XPO4: variants seen among roughly 807,000 people sequenced by gnomAD.
XPO4 encodes exportin-4.
XPO4 carries 39 observed loss-of-function variants against 143.0 expected under a neutral mutation model. That is an observed-to-expected ratio of 0.27 (90% CI 0.21 to 0.36). The LOEUF (loss-of-function observed/expected upper bound fraction) is 0.36. Ranked by LOEUF, XPO4 falls within the 10% of genes least tolerant of loss-of-function variation. XPO4 has a pLI of 1.00. For synonymous variants in XPO4, 439 were observed against 474.0 expected (o/e 0.93, Z 0.96); for missense variants, 907 against 1,348.0 (o/e 0.67, Z 5.12).
chr13:20,857,752 G>T lies in XPO4; in HGVS notation c.318-1987C>A, dbSNP rs371471384. 8 of 819,594 alleles carry T rather than the reference G, an allele frequency of 9.8e-6. No individual in the cohort carries two copies. In the African/African-American group the frequency reaches 1.1e-4, roughly 11 times the overall value. The allele number at this position is 819,594 out of a possible 1,614,324, so 50.8% of individuals were successfully genotyped here. ...AAAAACAAACAAAAAAATCAAATCA[G>T]AAAATTAATGCACAAAGAAGTAATC... On this transcript the variant is annotated intron_variant, in intron 3 of 22. Transcript: ENST00000255305.
At chr13:20,807,196 T>C (rs1407855011) in intron 13 of XPO4, among the ~76,000 whole-genome samples, 1 of 152,186 alleles carries the variant, frequency 6.6e-6, no homozygotes, top group African/African-American at 2.4e-5. Context: ...TCAATGTCCC[T>C]TCCAAGTCTC....
intron 6 of XPO4, among the ~76,000 whole-genome samples, chr13:20,838,471 G>A (rs947203703): frequency 1.1e-4 from 16 of 151,878 alleles, no homozygotes; most frequent in South Asian, 2.1e-4. Flanking sequence ...TTAGCCAGGC[G>A]TGGTGGCGGG....
chr13:20,878,842 T>G (rs781180040), intron 1 of XPO4, among the ~76,000 whole-genome samples: 1 of 152,214 alleles, frequency 6.6e-6, no homozygotes, highest in Non-Finnish European at 1.5e-5. Flanking sequence ...GGTAGGCATA[T>G]GAATGTAATT....
chr13:20,787,114 C>G, intron 21 of XPO4, 57 bp from the exon 22 acceptor site: 1 of 1,369,344 alleles, frequency 7.3e-7, no homozygotes, highest in Admixed American at 2.3e-5. Context: ...ATCCTCCAGT[C>G]CCTCCCCAGT....
intron 1 of XPO4, among the ~76,000 whole-genome samples, chr13:20,894,387 T>C (rs2060548027): frequency 6.6e-6 from 1 of 152,218 alleles, no homozygotes; most frequent in South Asian, 2.1e-4. Flanking sequence ...TTAGCAGTGA[T>C]TAAACAAATC....
chr13:20,840,592 G>A (rs1205859193), intron 6 of XPO4, among the ~76,000 whole-genome samples: 2 of 152,106 alleles, frequency 1.3e-5, no homozygotes, highest in African/African-American at 4.8e-5. Context: ...ATGGTACAAG[G>A]CTGCATAATT....
chr13:20,872,801 C>T (rs551484570), intron 1 of XPO4, among the ~76,000 whole-genome samples: 2 of 128,548 alleles, frequency 1.6e-5, no homozygotes, highest in South Asian at 2.4e-4. Flanking sequence ...ACTTACATAG[C>T]TCAAATTTAT....
At chr13:20,856,793 ACT>A in intron 3 of XPO4, 2 of 966,446 alleles carry the variant, frequency 2.1e-6, no homozygotes, top group Non-Finnish European at 1.2e-6. Flanking sequence ...CTCACTCCAC[ACT>A]CTTTTGACTT....
At chr13:20,852,848 A>C (rs2060103324) in intron 4 of XPO4, 2 of 984,664 alleles carry the variant, frequency 2.0e-6, no homozygotes, top group South Asian at 4.7e-5. Context: ...TGTGTAACAG[A>C]AAATATAAAT....
At chr13:20,891,245 C>T (rs986843176) in intron 1 of XPO4, among the ~76,000 whole-genome samples, 3 of 151,042 alleles carry the variant, frequency 2.0e-5, no homozygotes, top group Non-Finnish European at 4.4e-5. Flanking sequence ...GAGCTCAAGA[C>T]GAATGTGGTA....
intron 6 of XPO4, among the ~76,000 whole-genome samples, chr13:20,835,758 C>T (rs1419662540): frequency 2.0e-5 from 3 of 152,138 alleles, no homozygotes; most frequent in Non-Finnish European, 4.4e-5. Context: ...CTAGAAGTTA[C>T]ACCAAGTGTG....
At chr13:20,799,022 G>GA (rs559049236) in intron 16 of XPO4, 143 bp downstream of exon 16, 86,464 of 613,492 alleles carry the variant, frequency 0.14, 5 homozygotes, top group South Asian at 0.16. Flanking sequence ...CCCTATCTCA[G>GA]AAAAAAAAAA....
chr13:20,816,925 G>C (rs2059657278), intron 9 of XPO4, among the ~76,000 whole-genome samples: 1 of 152,184 alleles, frequency 6.6e-6, no homozygotes, highest in African/African-American at 2.4e-5. Flanking sequence ...TAATGTGCAA[G>C]CTTTAAAAAA....
At chr13:20,883,808 C>T (rs954130208) in intron 1 of XPO4, among the ~76,000 whole-genome samples, 10 of 152,158 alleles carry the variant, frequency 6.6e-5, no homozygotes, top group African/African-American at 2.4e-4. Flanking sequence ...GCTCTTGTTG[C>T]CCAGGATGGA....
intron 1 of XPO4, chr13:20,902,170 A>G: frequency 1.0e-6 from 1 of 984,762 alleles, no homozygotes; most frequent in African/African-American, 1.8e-5. Context: ...GGCTGCAATT[A>G]CTCCAGAGGT....
chr13:20,868,753 A>G, intron 1 of XPO4, 52 bp from the exon 2 acceptor site: 1 of 1,519,382 alleles, frequency 6.6e-7, no homozygotes, highest in Non-Finnish European at 9.0e-7. Context: ...CAAAGCTTAA[A>G]TAATATCAAT....
rs1313055814 is a variant in XPO4, at chr13:20,783,918, G to A, written c.3260C>T (p.Ala1087Val). 6.2e-7 allele frequency: 1 copy of A among 1,613,880 alleles called. No homozygotes were observed. The highest frequency in any genetic ancestry group is 1.3e-5 in the African/African-American group (1 of 74,910). Reference sequence around the variant, plus strand: ...TGTTTCGACCAGTTCAGAATATTCAGCCTATTGAAGAGATAAAGTATACAC... The same window carrying A: ...TGTTTCGACCAGTTCAGAATATTCAACCTATTGAAGAGATAAAGTATACAC... Reference protein sequence around the residue: ...AFYTLVCLHQAEYSELVETLL... With the variant: ...AFYTLVCLHQVEYSELVETLL... The change falls in exon 23 of 23, where the codon GCT becomes GTT. Residue 1087 changes from alanine to valine, a missense_variant and splice_region_variant. By Grantham distance (64) the Ala-to-Val change is moderately conservative. Coordinates refer to ENST00000255305, the MANE Select transcript of XPO4 (RefSeq NM_022459.5).
chr13:20,871,165 G>C (rs1402188158), intron 1 of XPO4, among the ~76,000 whole-genome samples: 1 of 151,802 alleles, frequency 6.6e-6, no homozygotes, highest in African/African-American at 2.4e-5. Flanking sequence ...TGAGTTTGTG[G>C]GGTTTTTGTT....
chr13:20,797,124 C>A, intron 16 of XPO4, 67 bp from the exon 17 acceptor site: 4 of 1,428,290 alleles, frequency 2.8e-6, no homozygotes, highest in South Asian at 2.8e-5. Context: ...TGCTTGGATA[C>A]ATATTCACTT....
Sources: allele counts gnomAD v4.1 joint callset (sites outside exome capture counted in the v4.1 genomes callset), GRCh38; gene constraint gnomAD v4.1.1; transcripts MANE v1.5; gene names NCBI Gene and HGNC (gene_info 2026-07-23, HGNC 2026-07-21).